EPB41L5: variants seen among roughly 807,000 people sequenced by gnomAD.
EPB41L5 encodes the protein erythrocyte membrane protein band 4.1 like 5.
EPB41L5 carries 55 observed loss-of-function variants against 106.6 expected under a neutral mutation model. The ratio of observed to expected loss-of-function variants is 0.52; its 90% CI spans 0.42 to 0.65. EPB41L5 has a LOEUF of 0.65. Among genes scored for constraint, EPB41L5 ranks in the 30% least tolerant of loss-of-function variants. EPB41L5 has a pLI of 0.00. For missense variants in EPB41L5, 871 were observed against 882.1 expected (o/e 0.99, Z 0.16); for synonymous variants, 297 against 306.7 (o/e 0.97, Z 0.33).
In EPB41L5 at chr2:120,086,801, A is replaced by G. The variant is rs532891931; in HGVS notation, c.804-370A>G. Reference sequence around the variant, plus strand: ...TTTTTCTTTATGGCTGTTTTTTTTAAGCTTTATGGTCGTTCCTATGTCTAG... The same window carrying G: ...TTTTTCTTTATGGCTGTTTTTTTTAGGCTTTATGGTCGTTCCTATGTCTAG... On this transcript the variant is annotated intron_variant, in intron 10 of 24. Coordinates refer to ENST00000263713, the MANE Select transcript of EPB41L5 (RefSeq NM_020909.4). Among the ~76,000 whole-genome samples the G allele has an allele frequency of 4.6e-5, 7 of 152,294 alleles. No homozygotes were observed. The East Asian group carries it at 1.3e-3, about 29-fold the overall frequency.
intron 3 of EPB41L5, among the ~76,000 whole-genome samples, chr2:120,052,122 G>A (rs781298836): frequency 6.6e-6 from 1 of 152,186 alleles, no homozygotes. Context: ...ACTGCACCTG[G>A]CCATGCTTTG....
intron 20 of EPB41L5, among the ~76,000 whole-genome samples, chr2:120,147,140 C>T (rs559608402): frequency 6.6e-6 from 1 of 152,186 alleles, no homozygotes; most frequent in East Asian, 1.9e-4. Flanking sequence ...TTGAGGCCAG[C>T]AGTTTGAGAC....
chr2:120,042,891 A>G (rs1283704918), intron 3 of EPB41L5, among the ~76,000 whole-genome samples: 1 of 152,124 alleles, frequency 6.6e-6, no homozygotes, highest in African/African-American at 2.4e-5. Context: ...AAGTTATTAC[A>G]AATACTTTAG....
chr2:120,057,180 A>C (rs1383961228), intron 3 of EPB41L5, among the ~76,000 whole-genome samples: 3 of 152,156 alleles, frequency 2.0e-5, no homozygotes, highest in Admixed American at 1.3e-4. Context: ...GTGAGCTACC[A>C]CGTCTGGCTG....
At chr2:120,040,519 C>T (rs1415898888) in intron 2 of EPB41L5, among the ~76,000 whole-genome samples, 2 of 152,104 alleles carry the variant, frequency 1.3e-5, no homozygotes, top group Non-Finnish European at 2.9e-5. Context: ...AGGCCAAAGC[C>T]TTAGAAGATA....
chr2:120,028,044 A>G (rs1051019875), intron 2 of EPB41L5, among the ~76,000 whole-genome samples: 2 of 151,870 alleles, frequency 1.3e-5, no homozygotes, highest in African/African-American at 4.8e-5. Flanking sequence ...TGTTATTTTT[A>G]GTAGAGAAAG....
Position 120,074,127 on chromosome 2 carries a change from G to T in EPB41L5, c.356G>T (p.Arg119Leu). ...GGTTCACCCTATTGTCTGCATCTTC[G>T]AGTTAAGTTTTATTCCTCAGAACCA... is the stretch of plus-strand genomic sequence containing the variant. ...KIGSPYCLHL[R>L]VKFYSSEPNN... The change falls in exon 5 of 25, where the codon CGA (arginine) becomes CTA (leucine). Residue 119 changes from arginine (R) to leucine (L), a missense_variant. Transcript: ENST00000263713. 6.2e-7 allele frequency: 1 copy of T among 1,610,514 alleles called. No individual in the cohort carries two copies. The highest frequency in any genetic ancestry group is 2.2e-5 in the East Asian group (1 of 44,748).
In EPB41L5 at chr2:120,069,019, T is replaced by A. The variant is rs1681659882; in HGVS notation, c.286-4159T>A. Among the ~76,000 whole-genome samples the A allele has an allele frequency of 2.6e-5, 4 of 151,288 alleles. No homozygotes were observed. In the South Asian group the frequency reaches 8.4e-4, roughly 32 times the overall value. ...TGCGCATGCCTGTAATCCCAGCTACTTGGGAGGCTGAGGCAAGAAAATCTC... is the reference window on the plus strand; with the variant it reads ...TGCGCATGCCTGTAATCCCAGCTACATGGGAGGCTGAGGCAAGAAAATCTC... On this transcript the variant is annotated intron_variant, in intron 3 of 24. Coordinates refer to ENST00000263713, the MANE Select transcript of EPB41L5 (RefSeq NM_020909.4).
At chr2:120,105,285 A>T in intron 16 of EPB41L5, 1 of 968,418 alleles carries the variant, frequency 1.0e-6, no homozygotes, top group Non-Finnish European at 1.2e-6. Flanking sequence ...TTTATATTTT[A>T]GAAAAATTTT....
chr2:120,086,151 A>T (rs1322186574), intron 10 of EPB41L5, among the ~76,000 whole-genome samples: 1 of 152,154 alleles, frequency 6.6e-6, no homozygotes, highest in African/African-American at 2.4e-5. Flanking sequence ...TAGTGAGCCA[A>T]GATCACGCCA....
intron 14 of EPB41L5, among the ~76,000 whole-genome samples, chr2:120,097,296 G>A (rs1396835865): frequency 6.6e-6 from 1 of 152,142 alleles, no homozygotes; most frequent in Non-Finnish European, 1.5e-5. Context: ...GAAAACCTGA[G>A]CTCAGACTGG....
rs758669247 is a variant in EPB41L5 at position 120,143,125 on chromosome 2, G to A, written c.1722G>A (p.Val574=). The A allele has an allele frequency of 1.3e-6, 2 of 1,594,234 alleles. No individual in the cohort carries two copies. The highest frequency in any genetic ancestry group is 2.3e-5 in the South Asian group (2 of 87,598). The change falls in exon 19 of 25, where the codon GTG becomes GTA. Residue 574 remains valine, a synonymous_variant. Coordinates refer to ENST00000263713, the MANE Select transcript of EPB41L5 (RefSeq NM_020909.4). ...SNILKAQVEA[V]HKVTKEDSLL... The stretch of plus-strand genomic sequence containing the variant: ...TTTTGAAGGCTCAAGTAGAAGCAGT[G>A]CATAAGGTAAGCTGCCTTTGATAGA...
intron 20 of EPB41L5, among the ~76,000 whole-genome samples, chr2:120,158,437 T>C (rs780969860): frequency 6.6e-6 from 1 of 152,178 alleles, no homozygotes; most frequent in Admixed American, 6.5e-5. Context: ...GTTCAGCATA[T>C]GAAAATCAAT....
chr2:120,022,757 C>T (rs1318052765), intron 2 of EPB41L5, among the ~76,000 whole-genome samples: 2 of 152,194 alleles, frequency 1.3e-5, no homozygotes, highest in Non-Finnish European at 2.9e-5. Flanking sequence ...GGAATTGCCA[C>T]ACTGTCTTCC....
chr2:120,124,439 C>A (rs922477253), intron 16 of EPB41L5, among the ~76,000 whole-genome samples: 1 of 152,170 alleles, frequency 6.6e-6, no homozygotes, highest in Admixed American at 6.5e-5. Context: ...ATATGCCCTT[C>A]CACTAGATTC....
rs1684403747 is a variant in EPB41L5, at chr2:120,105,613, A to T, written c.1337+4799A>T. On this transcript the variant is annotated intron_variant, in intron 16 of 24. Coordinates refer to ENST00000263713, the MANE Select transcript of EPB41L5 (RefSeq NM_020909.4). ...GTTTCAATCTGAGTTTAGTATAATTATGTGTAAGAGGATGGCCACTCAAAG... is the reference window on the plus strand; with the variant it reads ...GTTTCAATCTGAGTTTAGTATAATTTTGTGTAAGAGGATGGCCACTCAAAG... The T allele has an allele frequency of 5.1e-6, 5 of 985,378 alleles. No individual in the cohort carries two copies. In the African/African-American group the frequency reaches 7.0e-5, roughly 14 times the overall value. The allele number at this position is 985,378 out of a possible 1,614,324, so 61.0% of individuals were successfully genotyped here.
At chr2:120,054,901 T>C (rs1680539668) in intron 3 of EPB41L5, among the ~76,000 whole-genome samples, 1 of 151,416 alleles carries the variant, frequency 6.6e-6, no homozygotes, top group African/African-American at 2.4e-5. Context: ...AGTTTCACTT[T>C]TGTTGCCCAG....
chr2:120,039,826 A>AG (rs1679285583), intron 2 of EPB41L5, among the ~76,000 whole-genome samples: 2 of 146,578 alleles, frequency 1.4e-5, no homozygotes, highest in African/African-American at 2.5e-5. Flanking sequence ...ACTCTGTCTC[A>AG]GGAAAAAAAA....
chr2:120,057,079 A>G (rs935389111), intron 3 of EPB41L5, among the ~76,000 whole-genome samples: 19 of 151,986 alleles, frequency 1.3e-4, no homozygotes, highest in African/African-American at 4.6e-4. Flanking sequence ...TTTTTTGTAG[A>G]GATGGGGGCT....
Sources: allele counts gnomAD v4.1 joint callset (sites outside exome capture counted in the v4.1 genomes callset), GRCh38; gene constraint gnomAD v4.1.1; transcripts MANE v1.5; gene names NCBI Gene and HGNC (gene_info 2026-07-23, HGNC 2026-07-21).